SERPINF2: variants seen among roughly 807,000 people sequenced by gnomAD.
SERPINF2 encodes serpin family F member 2.
Under a neutral mutation model 45.0 loss-of-function variants are expected in SERPINF2, and 15 were observed. The ratio of observed to expected loss-of-function variants is 0.33; its 90% CI spans 0.22 to 0.51. The LOEUF is 0.51. SERPINF2 is among the 20% of genes least tolerant of loss of function. SERPINF2 has a pLI of 0.97. For synonymous variants in SERPINF2, 283 were observed against 277.9 expected (o/e 1.02, Z -0.18); for missense variants, 518 against 637.4 (o/e 0.81, Z 2.02).
Position 1,754,904 on chromosome 17 carries a change from T to A in SERPINF2, c.*370T>A. On this transcript the variant is annotated 3_prime_UTR_variant, in exon 10 of 10. Transcript: ENST00000453066. ...AAAAAGGGAGGGGGAGAGGGCTGCC[T>A]TTGGACTTGTCCCGGGACACCTAGG... 3.1e-6 allele frequency: 1 copy of A among 325,428 alleles called. No individual in the cohort carries two copies. The highest frequency in any genetic ancestry group is 5.7e-6 in the Non-Finnish European group (1 of 176,472). The allele number at this position is 325,428 out of a possible 1,614,324, so 20.2% of individuals were successfully genotyped here.
At chr17:1,753,694 A>T (rs1207913137) in intron 9 of SERPINF2, among the ~76,000 whole-genome samples, 2 of 152,158 alleles carry the variant, frequency 1.3e-5, no homozygotes, top group African/African-American at 4.8e-5. Flanking sequence ...TCAAAAAAAA[A>T]TTATAATAAC....
rs551505236 is a variant in SERPINF2, at chr17:1,745,081, G to A, written c.63+23G>A. On this transcript the variant is annotated intron_variant, in intron 2 of 9. Coordinates refer to ENST00000453066, the MANE Select transcript of SERPINF2 (RefSeq NM_000934.4). The surrounding 1 kb of genome is among the most constrained non-coding windows in gnomAD (Gnocchi z 6.2). ...GTGGTGAGGCTGGGCTGAAGTCAAG[G>A]TGGGGTGGGGTGGAGGGGGAAGAAG... is the stretch of plus-strand genomic sequence containing the variant. 1.2e-6 allele frequency: 2 copies of A among 1,611,558 alleles called. No homozygotes were observed. The highest frequency in any genetic ancestry group is 1.3e-5 in the African/African-American group (1 of 75,000).
chr17:1,747,302 C>G lies in SERPINF2; in HGVS notation c.512-7C>G. 6 of 1,613,648 alleles carry G rather than the reference C, an allele frequency of 3.7e-6. No individual in the cohort carries two copies. The highest frequency in any genetic ancestry group is 1.1e-5 in the South Asian group (1 of 91,050). ...CCCTGGGAACAGCTTGTGCTGCCTC[C>G]GTGCAGGATTTCCCATCAAAGAAGA... On this transcript the variant is annotated splice_polypyrimidine_tract_variant and splice_region_variant and intron_variant, in intron 6 of 9. Coordinates refer to ENST00000453066, the MANE Select transcript of SERPINF2 (RefSeq NM_000934.4).
Position 1,754,018 on chromosome 17 carries a change from G to C in SERPINF2, c.1064-104G>C, listed in dbSNP as rs1226811453. 4.4e-6 allele frequency: 6 copies of C among 1,353,272 alleles called. No individual in the cohort carries two copies. The Admixed American group carries it at 1.0e-4, about 23-fold the overall frequency. The allele number at this position is 1,353,272 out of a possible 1,614,324, so 83.8% of individuals were successfully genotyped here. A position where few individuals can be genotyped will look rare whatever the true frequency, so the allele number is the denominator to read the frequency against. On this transcript the variant is annotated intron_variant, in intron 9 of 9. Coordinates refer to ENST00000453066, the MANE Select transcript of SERPINF2 (RefSeq NM_000934.4). ...ATAGGAATGAAGCAGGTATCTGTGA[G>C]TTCAAGCTGTTCCCTGGCCAGGATC...
Position 1,744,615 on chromosome 17 carries a change from C to T in SERPINF2, c.-4-377C>T, listed in dbSNP as rs549703843. 6.2e-5 allele frequency: 61 copies of T among 985,414 alleles called. No homozygotes were observed. In the South Asian group the frequency reaches 1.5e-3, roughly 24 times the overall value. The allele number at this position is 985,414 out of a possible 1,614,324, so 61.0% of individuals were successfully genotyped here. A position where few individuals can be genotyped will look rare whatever the true frequency, so the allele number is the denominator to read the frequency against. ...GGTAAGGCCAAGCCTGGTGGAGTTA[C>T]GGGAAATGCCGAGGTCCTTTGGCAA... On this transcript the variant is annotated intron_variant, in intron 1 of 9. Transcript: ENST00000453066.
chr17:1,754,471 C>T lies in SERPINF2; in HGVS notation c.1413C>T (p.Gly471=), dbSNP rs779801686. The T allele has an allele frequency of 1.7e-5, 27 of 1,607,910 alleles. No individual in the cohort carries two copies. In the African/African-American group the frequency reaches 2.1e-4, roughly 13 times the overall value. ...KGFPRGDKLF[G]PDLKLVPPME... ...TCCCCCGCGGAGACAAGCTTTTCGGCCCTGACTTAAAACTTGTGCCCCCCA... is the reference window on the plus strand; with the variant it reads ...TCCCCCGCGGAGACAAGCTTTTCGGTCCTGACTTAAAACTTGTGCCCCCCA... Residue 471 remains glycine (G), a synonymous_variant, in exon 10 of 10, where the codon GGC becomes GGT. Transcript: ENST00000453066.
intron 6 of SERPINF2, 38 bp downstream of exon 6, chr17:1,747,200 C>T (rs373976203): frequency 1.8e-5 from 29 of 1,611,280 alleles, no homozygotes; most frequent in Non-Finnish European, 1.8e-5. Flanking sequence ...CAGTCCTGCC[C>T]TGGGTGGAGG....
At position 1,753,947 on chromosome 17, in the gene SERPINF2, A is replaced by G. The variant is rs145059305; in HGVS notation, c.1064-175A>G. On this transcript the variant is annotated intron_variant, in intron 9 of 9. Coordinates refer to ENST00000453066, the MANE Select transcript of SERPINF2 (RefSeq NM_000934.4). The stretch of plus-strand genomic sequence containing the variant: ...GGACTTTAGAGCTGGGGATCAGGGA[A>G]GGCTTCCTGGAGGAGGTGGTGTTTA... 1.9e-3 allele frequency among the ~76,000 whole-genome samples: 286 copies of G among 152,324 alleles called. 6 individuals carry two copies. Among genetic ancestry groups the G allele is most frequent in the African/African-American group, 6.7e-3 (278 of 41,574 alleles).
rs777268409 is a variant in SERPINF2 at position 1,745,941 on chromosome 17, A to T, written c.367+32A>T. ...TGGCACCACTTGTCCAGACCAAGAG[A>T]GCTGGGAGGCCAGTAGGAACTCAGT... is the stretch of plus-strand genomic sequence containing the variant. On this transcript the variant is annotated intron_variant, in intron 5 of 9. Transcript: ENST00000453066. The surrounding 1 kb of genome is among the most constrained non-coding windows in gnomAD (Gnocchi z 6.2). 1 of 1,601,506 alleles carries T rather than the reference A, an allele frequency of 6.2e-7. No individual in the cohort carries two copies. The highest frequency in any genetic ancestry group is 1.7e-5 in the Admixed American group (1 of 58,834).
Position 1,754,695 on chromosome 17 carries a change from G to GGGGGGGTC in SERPINF2, c.*161_*162insGGGGGGTC. 3.2e-6 allele frequency: 1 copy of GGGGGGGTC among 316,616 alleles called. No individual in the cohort carries two copies. Among genetic ancestry groups the GGGGGGGTC allele is most frequent in the African/African-American group, 2.5e-5 (1 of 40,238 alleles). The allele number at this position is 316,616 out of a possible 1,614,324, so 19.6% of individuals were successfully genotyped here. On this transcript the variant is annotated 3_prime_UTR_variant, in exon 10 of 10. Coordinates refer to ENST00000453066, the MANE Select transcript of SERPINF2 (RefSeq NM_000934.4). ...TTGGGGAGTTTAGGGTGGGGGGGGG[G>GGGGGGGTC]CGCGGCTGGGAGGAGGGCAGGCATC...
chr17:1,744,282 C>A (rs1049298580), intron 1 of SERPINF2, among the ~76,000 whole-genome samples: 28 of 151,642 alleles, frequency 1.8e-4, no homozygotes, highest in African/African-American at 6.5e-4. Context: ...CACCTGAGGT[C>A]GGGAGTTTAA....
rs1597325864 is a variant in SERPINF2 at position 1,747,400 on chromosome 17, G to A, written c.603G>A (p.Leu201=). 1.2e-6 allele frequency: 2 copies of A among 1,614,076 alleles called. No individual in the cohort carries two copies. The highest frequency in any genetic ancestry group is 2.2e-5 in the East Asian group (1 of 44,898). The change falls in exon 7 of 10, where the codon CTG becomes CTA. Residue 201 remains leucine (L), a synonymous_variant. Transcript: ENST00000453066. ...VSLTGKQEDD[L]ANINQWVKEA... ...TGACGGGAAAGCAGGAAGATGACCT[G>A]GCAAACATCAACCAATGGGTGAAGG...
chr17:1,750,122 C>T (rs1261456627), intron 8 of SERPINF2, among the ~76,000 whole-genome samples: 1 of 151,730 alleles, frequency 6.6e-6, no homozygotes, highest in Non-Finnish European at 1.5e-5. Context: ...TACAGGCATG[C>T]ACCACCACGC....
At chr17:1,747,541 A>G (rs1905957645) in intron 7 of SERPINF2, 29 bp downstream of exon 7, 2 of 1,605,558 alleles carry the variant, frequency 1.2e-6, no homozygotes, top group South Asian at 2.2e-5. Context: ...CAGATCCCCC[A>G]CCCTGTAGGC....
chr17:1,751,147 C>T (rs1332611362), intron 8 of SERPINF2, among the ~76,000 whole-genome samples: 3 of 152,116 alleles, frequency 2.0e-5, no homozygotes, highest in African/African-American at 4.8e-5. Flanking sequence ...CTGCAGAATC[C>T]CTTCAAATCA....
At chr17:1,742,985 T>G in intron 1 of SERPINF2, 77 bp downstream of exon 1, 1 of 985,428 alleles carries the variant, frequency 1.0e-6, no homozygotes. Context: ...CTGAGGGGTC[T>G]GGGATTTATT....
At position 1,754,222 on chromosome 17, in the gene SERPINF2, G is replaced by A. The variant is rs150688695; in HGVS notation, c.1164G>A (p.Glu388=). The A allele has an allele frequency of 3.4e-3, 5,489 of 1,613,922 alleles. 16 individuals are homozygous for A. The highest frequency in any genetic ancestry group is 7.1e-3 in the Middle Eastern group (43 of 6,062). ...VQHQSTLELS[E]VGVEAAAATS... ...ATCAGTCCACCCTGGAGCTCAGCGA[G>A]GTCGGCGTGGAGGCGGCGGCGGCCA... The change falls in exon 10 of 10, where the codon GAG becomes GAA. Residue 388 remains glutamate (E), a synonymous_variant. Coordinates refer to ENST00000453066, the MANE Select transcript of SERPINF2 (RefSeq NM_000934.4).
chr17:1,745,927 G>C lies in SERPINF2; in HGVS notation c.367+18G>C. The C allele has an allele frequency of 3.1e-6, 5 of 1,609,636 alleles. No individual in the cohort carries two copies. Among genetic ancestry groups the C allele is most frequent in the Non-Finnish European group, 4.2e-6 (5 of 1,178,368 alleles). On this transcript the variant is annotated intron_variant, in intron 5 of 9. Transcript: ENST00000453066. This position sits in a 1 kb window ranked among gnomAD's most constrained non-coding sequence, Gnocchi z 6.2. ...GGCACTAGGTACCCTGGCACCACTT[G>C]TCCAGACCAAGAGAGCTGGGAGGCC...
rs563482270 is a variant in SERPINF2 at position 1,753,634 on chromosome 17, C to T, written c.1064-488C>T. Among the ~76,000 whole-genome samples the T allele has an allele frequency of 1.4e-3, 212 of 152,150 alleles. 2 individuals carry two copies. Among genetic ancestry groups the T allele is most frequent in the African/African-American group, 4.6e-3 (193 of 41,516 alleles). On this transcript the variant is annotated intron_variant, in intron 9 of 9. Coordinates refer to ENST00000453066, the MANE Select transcript of SERPINF2 (RefSeq NM_000934.4). Reference sequence around the variant, plus strand: ...CTGGGAGGAGGAGGTTGCAGTGAGCCGAGATCACGCCACTGTACTCCAGCC... The same window carrying T: ...CTGGGAGGAGGAGGTTGCAGTGAGCTGAGATCACGCCACTGTACTCCAGCC...
Sources: allele counts gnomAD v4.1 joint callset (sites outside exome capture counted in the v4.1 genomes callset), GRCh38; gene constraint gnomAD v4.1.1; non-coding constraint Gnocchi (gnomAD v3.1); transcripts MANE v1.5; gene names NCBI Gene and HGNC (gene_info 2026-07-23, HGNC 2026-07-21).